COL12A1: variants seen among roughly 807,000 people sequenced by gnomAD.
The protein encoded by COL12A1 is collagen type XII alpha 1 chain.
A neutral mutation model predicts 349.7 loss-of-function variants in COL12A1; 114 were observed. The observed-to-expected ratio is 0.33, with a 90% CI of 0.28 to 0.38. COL12A1 has a LOEUF of 0.38. Ranked by LOEUF, COL12A1 falls within the 10% of genes least tolerant of loss-of-function variation. The pLI, the probability that COL12A1 is intolerant of heterozygous loss-of-function variation, is 1.00. For missense variants in COL12A1, 3,284 were observed against 3,756.9 expected, an observed-to-expected ratio of 0.87 and a Z score of 3.29; for synonymous variants, 1,369 against 1,329.0, an observed-to-expected ratio of 1.03 and a Z score of -0.66.
intron 50 of COL12A1, 125 bp from the exon 51 acceptor site, chr6:75,113,438 G>T (rs1051898257): frequency 3.7e-5 from 34 of 927,414 alleles, no homozygotes; most frequent in Non-Finnish European, 4.8e-5. Flanking sequence ...ATGATAAAAT[G>T]CAATTAGGAT....
In COL12A1 at chr6:75,086,447, C is replaced by T; in HGVS notation, c.*100G>A. 9.0e-7 allele frequency: 1 copy of T among 1,110,702 alleles called. No homozygotes were observed. Among genetic ancestry groups the T allele is most frequent in the Non-Finnish European group, 1.3e-6 (1 of 765,636 alleles). The allele number at this position is 1,110,702 out of a possible 1,614,324, so 68.8% of individuals were successfully genotyped here. On this transcript the variant is annotated 3_prime_UTR_variant, in exon 66 of 66. Coordinates refer to ENST00000322507, the MANE Select transcript of COL12A1 (RefSeq NM_004370.6). ...TAACCATTATCTGTGGTGAGATTTC[C>T]ATACAGACTCATTTCCTAATAAGCA...
At chr6:75,160,096 G>A (rs1379284782) in intron 14 of COL12A1, among the ~76,000 whole-genome samples, 1 of 150,564 alleles carries the variant, frequency 6.6e-6, no homozygotes, top group Non-Finnish European at 1.5e-5. Flanking sequence ...CATAACCAAA[G>A]AGCAAGAATT....
intron 46 of COL12A1, among the ~76,000 whole-genome samples, chr6:75,118,735 T>C (rs935175544): frequency 1.3e-5 from 2 of 152,232 alleles, no homozygotes; most frequent in African/African-American, 4.8e-5. Context: ...ATTTCTGCTA[T>C]GGCAGGAAGC....
chr6:75,192,222 T>C lies in COL12A1; in HGVS notation c.324A>G (p.Gly108=). 2 of 1,592,460 alleles carry C rather than the reference T, an allele frequency of 1.3e-6. No individual in the cohort carries two copies. The highest frequency in any genetic ancestry group is 1.7e-6 in the Non-Finnish European group (2 of 1,167,630). ...DEVEESVPVI[G]QLTIQTGSST... is the part of the protein sequence containing the mutation. ...TATATGTGTGCTTACTTGTTAGTTG[T>C]CCTATAACTGGTACACTTTCTTCTA... The change falls in exon 4 of 66, where the codon GGA becomes GGG. Residue 108 remains glycine (G), a synonymous_variant. Transcript: ENST00000322507.
At chr6:75,134,565 C>T (rs928069228) in intron 32 of COL12A1, among the ~76,000 whole-genome samples, 161 bp downstream of exon 32, 4 of 151,368 alleles carry the variant, frequency 2.6e-5, no homozygotes, top group South Asian at 4.2e-4. Context: ...AGCAAGACTC[C>T]ATCTCAAAAA....
intron 12 of COL12A1, among the ~76,000 whole-genome samples, chr6:75,177,438 T>A (rs1272029971): frequency 4.6e-5 from 7 of 151,842 alleles, no homozygotes; most frequent in Admixed American, 4.6e-4. Flanking sequence ...CTGAAAAAAA[T>A]TAATTAAATA....
At chr6:75,093,018 C>T (rs1767847764) in intron 60 of COL12A1, among the ~76,000 whole-genome samples, 2 of 152,300 alleles carry the variant, frequency 1.3e-5, no homozygotes, top group African/African-American at 2.4e-5. Context: ...GATCAAATAG[C>T]TTTCTCCCTC....
intron 10 of COL12A1, among the ~76,000 whole-genome samples, chr6:75,181,682 G>A (rs906143497): frequency 1.3e-5 from 2 of 151,980 alleles, no homozygotes; most frequent in East Asian, 3.8e-4. Flanking sequence ...ATTAAACTTA[G>A]CAGTTATTAA....
At chr6:75,096,519 A>G (rs994293212) in intron 59 of COL12A1, among the ~76,000 whole-genome samples, 1 of 152,216 alleles carries the variant, frequency 6.6e-6, no homozygotes, top group Non-Finnish European at 1.5e-5. Context: ...AGTTGTAGAT[A>G]AAACTGACTT....
Position 75,145,379 on chromosome 6 carries a change from T to A in COL12A1, c.4637A>T (p.Gln1546Leu), listed in dbSNP as rs1027746676. 1 of 1,613,834 alleles carries A rather than the reference T, an allele frequency of 6.2e-7. No individual in the cohort carries two copies. The highest frequency in any genetic ancestry group is 1.3e-5 in the African/African-American group (1 of 74,928). ...VPNTEYAVTV[Q>L]AVLHDLTSEP... ...ACTAGTGAGGTCGTGCAGGACAGCC[T>A]GGACTGTGACTGCATACTCCGTGTT... The change falls in exon 25 of 66, where the codon CAG becomes CTG. Residue 1546 changes from glutamine to leucine, a missense_variant. Gln to Leu is a moderately radical substitution (Grantham distance 113). Around this residue, in one of 2 missense-constraint regions of COL12A1, gnomAD observed 2,601 missense variants for 2,824.8 expected, o/e 0.92. Coordinates refer to ENST00000322507, the MANE Select transcript of COL12A1 (RefSeq NM_004370.6).
At chr6:75,139,806 C>T (rs1766803560) in intron 27 of COL12A1, among the ~76,000 whole-genome samples, 1 of 152,206 alleles carries the variant, frequency 6.6e-6, no homozygotes, top group African/African-American at 2.4e-5. Context: ...AATCCCCTTT[C>T]ACAACCCCTC....
At chr6:75,159,588 C>A (rs1034618945) in intron 14 of COL12A1, among the ~76,000 whole-genome samples, 1 of 151,152 alleles carries the variant, frequency 6.6e-6, no homozygotes. Context: ...TCACAAATAT[C>A]AAATAAGTTG....
intron 2 of COL12A1, among the ~76,000 whole-genome samples, chr6:75,196,644 T>A (rs1171129206): frequency 1.3e-5 from 2 of 152,228 alleles, no homozygotes; most frequent in East Asian, 1.9e-4. Context: ...TCACTCAGTA[T>A]AACATGCATG....
Position 75,183,468 on chromosome 6 carries a change from C to T in COL12A1, c.1473G>A (p.Glu491=). ...LVQYSRDPHT[E]FTLKKFTKVE... is the part of the protein sequence containing the mutation. The stretch of plus-strand genomic sequence containing the variant: ...CTTTGGTGAATTTTTTCAAAGTGAA[C>T]TCAGTATGAGGATCCCGGCTGTATT... Residue 491 remains glutamate (E), a synonymous_variant, in exon 10 of 66, where the codon GAG becomes GAA. Transcript: ENST00000322507. The T allele has an allele frequency of 6.2e-7, 1 of 1,614,162 alleles. No homozygotes were observed. The highest frequency in any genetic ancestry group is 8.5e-7 in the Non-Finnish European group (1 of 1,180,014).
chr6:75,129,083 A>G (rs760943642), intron 37 of COL12A1, among the ~76,000 whole-genome samples: 14 of 152,222 alleles, frequency 9.2e-5, no homozygotes, highest in Non-Finnish European at 1.6e-4. Flanking sequence ...ACTACAAATG[A>G]TAAATTGTAT....
chr6:75,187,791 C>A (rs757980644), intron 8 of COL12A1, among the ~76,000 whole-genome samples: 1 of 152,004 alleles, frequency 6.6e-6, no homozygotes, highest in Non-Finnish European at 1.5e-5. Context: ...CAAAAGGATG[C>A]TTTTGAAATG....
chr6:75,188,450 A>G lies in COL12A1; in HGVS notation c.909T>C (p.Asp303=). The part of the protein sequence containing the change: ...LNHVFNVANF[D]AIVDIQNEII... ...TCTCATTCTGAATATCCACAATTGC[A>G]TCAAAGTTGGCCACATTGAAAACAT... Residue 303 remains aspartate (D), a synonymous_variant, in exon 8 of 66, where the codon GAT becomes GAC. Coordinates refer to ENST00000322507, the MANE Select transcript of COL12A1 (RefSeq NM_004370.6). 6.2e-7 allele frequency: 1 copy of G among 1,613,676 alleles called. No individual in the cohort carries two copies. The highest frequency in any genetic ancestry group is 8.5e-7 in the Non-Finnish European group (1 of 1,179,674).
intron 2 of COL12A1, 24 bp downstream of exon 2, chr6:75,202,696 G>A: frequency 1.9e-6 from 3 of 1,549,050 alleles, no homozygotes. Context: ...TTGTCACTCG[G>A]TGAAGGGGAA....
intron 16 of COL12A1, 98 bp downstream of exon 16, chr6:75,155,564 T>C (rs1297432558): frequency 1.7e-6 from 2 of 1,181,432 alleles, no homozygotes; most frequent in Non-Finnish European, 2.4e-6. Flanking sequence ...AACAGACATA[T>C]AAGTGATATT....
Sources: allele counts gnomAD v4.1 joint callset (sites outside exome capture counted in the v4.1 genomes callset), GRCh38; gene constraint gnomAD v4.1.1; regional missense constraint gnomAD v4.1.1; transcripts MANE v1.5; gene names NCBI Gene and HGNC (gene_info 2026-07-23, HGNC 2026-07-21).